FOXK2: variants seen among roughly 807,000 people sequenced by gnomAD.
FOXK2 encodes forkhead box protein K2.
A neutral mutation model predicts 53.3 loss-of-function variants in FOXK2; 24 were observed. The observed-to-expected ratio is 0.45, with a 90% confidence interval of 0.33 to 0.63. FOXK2 has a LOEUF of 0.63. Ranked by LOEUF, FOXK2 falls within the 30% of genes least tolerant of loss-of-function variation. The probability of loss-of-function intolerance (pLI) is 0.03; values close to 1 mark genes in which losing one functional copy is unlikely to be tolerated. For missense variants in FOXK2, 952 were observed against 910.5 expected (o/e 1.05, Z -0.59); for synonymous variants, 505 against 407.1 (o/e 1.24, Z -2.89).
At chr17:82,571,686 A>G (rs1418742356) in intron 3 of FOXK2, 38 bp from the exon 4 acceptor site, 1 of 1,460,856 alleles carries the variant, frequency 6.8e-7, no homozygotes, top group Non-Finnish European at 9.1e-7. Flanking sequence ...AAATATGGTA[A>G]CTTCAATATT....
At chr17:82,567,758 G>A (rs1469291857) in intron 2 of FOXK2, among the ~76,000 whole-genome samples, 2 of 151,822 alleles carry the variant, frequency 1.3e-5, no homozygotes, top group Admixed American at 6.6e-5. Flanking sequence ...TTCCTCACTG[G>A]TGAAATGAGT....
In FOXK2 at chr17:82,601,959, G is replaced by C. The variant is rs542500646; in HGVS notation, c.*460G>C. ...TTCTTTACAAAATAATGGGGTCTTG[G>C]GCATTTCACATCACTCCATTTCTAC... On this transcript the variant is annotated 3_prime_UTR_variant, in exon 9 of 9. Coordinates refer to ENST00000335255, the MANE Select transcript of FOXK2 (RefSeq NM_004514.4). 1 of 155,906 alleles carries C rather than the reference G, an allele frequency of 6.4e-6. No homozygotes were observed. Among genetic ancestry groups the C allele is most frequent in the South Asian group, 2.0e-4 (1 of 5,002 alleles). 9.7% of individuals were successfully genotyped at this position (155,906 alleles called of 1,614,324 possible). A position where few individuals can be genotyped will look rare whatever the true frequency, so the allele number is the denominator to read the frequency against.
In FOXK2 at chr17:82,541,902, A is replaced by T. The variant is rs1268559795; in HGVS notation, c.420-21452A>T. ...AATTAAATTTTTTTTTTTTTTTGAGATGGAGTCTCATTCGGTTTCCCAGGC... is the reference window on the plus strand; with the variant it reads ...AATTAAATTTTTTTTTTTTTTTGAGTTGGAGTCTCATTCGGTTTCCCAGGC... On this transcript the variant is annotated intron_variant, in intron 1 of 8. Coordinates refer to ENST00000335255, the MANE Select transcript of FOXK2 (RefSeq NM_004514.4). 6.1e-5 allele frequency among the ~76,000 whole-genome samples: 9 copies of T among 146,824 alleles called. No individual in the cohort carries two copies. The Admixed American group carries it at 6.1e-4, about 10-fold the overall frequency.
intron 1 of FOXK2, among the ~76,000 whole-genome samples, chr17:82,561,169 A>G (rs1356154655): frequency 6.6e-6 from 1 of 152,204 alleles, no homozygotes; most frequent in African/African-American, 2.4e-5. Flanking sequence ...TTTGAAGGCC[A>G]GAGCTGATGG....
chr17:82,595,777 C>T, intron 8 of FOXK2: 5 of 1,289,618 alleles, frequency 3.9e-6, no homozygotes, highest in Non-Finnish European at 5.1e-6. Context: ...CACTCCTCTC[C>T]CCAGGGCCCC....
chr17:82,587,951 A>G (rs528865612), intron 8 of FOXK2, among the ~76,000 whole-genome samples: 1 of 152,136 alleles, frequency 6.6e-6, no homozygotes, highest in Non-Finnish European at 1.5e-5. Flanking sequence ...CAAGCAGGCA[A>G]ATCCGAAGCT....
At chr17:82,570,177 G>A (rs753155813) in intron 3 of FOXK2, among the ~76,000 whole-genome samples, 6 of 151,084 alleles carry the variant, frequency 4.0e-5, no homozygotes, top group Admixed American at 2.0e-4. Context: ...AGCCGAAATC[G>A]CGCCACTGCA....
At chr17:82,543,624 C>G (rs181355563) in intron 1 of FOXK2, among the ~76,000 whole-genome samples, 23 of 151,864 alleles carry the variant, frequency 1.5e-4, no homozygotes, top group Non-Finnish European at 2.5e-4. Flanking sequence ...AGGGAAGAGT[C>G]TTTCTTTTAT....
At chr17:82,565,489 G>C (rs1369411413) in intron 2 of FOXK2, among the ~76,000 whole-genome samples, 1 of 152,092 alleles carries the variant, frequency 6.6e-6, no homozygotes, top group Non-Finnish European at 1.5e-5. Context: ...AAAAGACCCA[G>C]TTCAAAAACG....
chr17:82,564,359 G>T (rs544157578), intron 2 of FOXK2, among the ~76,000 whole-genome samples: 1 of 152,006 alleles, frequency 6.6e-6, no homozygotes, highest in Admixed American at 6.6e-5. Flanking sequence ...TTACAGGCGT[G>T]AGCTACCACA....
chr17:82,584,549 C>CTTTTTTTTTTT (rs34083156), intron 6 of FOXK2, among the ~76,000 whole-genome samples: 3 of 89,860 alleles, frequency 3.3e-5, no homozygotes, highest in African/African-American at 1.2e-4. Flanking sequence ...AAAACATGTC[C>CTTTTTTTTTTT]TTTTTTTTTT....
intron 1 of FOXK2, among the ~76,000 whole-genome samples, chr17:82,538,570 C>G (rs2044543451): frequency 6.6e-6 from 1 of 152,180 alleles, no homozygotes; most frequent in Non-Finnish European, 1.5e-5. Context: ...AGAAGAATGC[C>G]CTTGTCCTCT....
chr17:82,586,624 A>C (rs2045174065), intron 7 of FOXK2, among the ~76,000 whole-genome samples: 1 of 152,028 alleles, frequency 6.6e-6, no homozygotes, highest in African/African-American at 2.4e-5. Flanking sequence ...ATCCTTGGCC[A>C]GGTACAGTGG....
chr17:82,582,854 A>G lies in FOXK2; in HGVS notation c.1023A>G (p.Lys341=), dbSNP rs767278673. Residue 341 remains lysine, a synonymous_variant, in exon 5 of 9, where the codon AAA becomes AAG. Transcript: ENST00000335255. ...FWRIDPASES[K]LIEQAFRKRR... ...GGATAGACCCAGCCTCTGAAAGCAA[A>G]TTAATAGAACAGGCTTTTAGGAAAC... 6.8e-6 allele frequency: 11 copies of G among 1,613,596 alleles called. No homozygotes were observed. The highest frequency in any genetic ancestry group is 1.1e-5 in the South Asian group (1 of 90,990).
Position 82,568,871 on chromosome 17 carries a change from C to T in FOXK2, c.762+670C>T, listed in dbSNP as rs140731943. Among the ~76,000 whole-genome samples, 571 of 152,144 alleles carry T rather than the reference C, an allele frequency of 3.8e-3. 4 individuals are homozygous for T. The highest frequency in any genetic ancestry group is 0.023 in the South Asian group (109 of 4,806). The stretch of plus-strand genomic sequence containing the variant: ...CCAAAAAAAAATACAAAAAGCCAGG[C>T]GTGGTGGCACGCAGCTGTAATCTCA... On this transcript the variant is annotated intron_variant, in intron 3 of 8. Coordinates refer to ENST00000335255, the MANE Select transcript of FOXK2 (RefSeq NM_004514.4).
intron 6 of FOXK2, among the ~76,000 whole-genome samples, 156 bp from the exon 7 acceptor site, chr17:82,585,748 C>T (rs1301557877): frequency 6.6e-6 from 1 of 152,194 alleles, no homozygotes; most frequent in Non-Finnish European, 1.5e-5. Flanking sequence ...CTACACCTCC[C>T]TCATTATTAG....
At chr17:82,586,224 AGGGGAGACCACAGGGAGG>A in intron 7 of FOXK2, 24 bp downstream of exon 7, 2 of 1,263,256 alleles carry the variant, frequency 1.6e-6, no homozygotes. Flanking sequence ...AAAGGAGGAG[AGGGGAGACCACAGGGAGG>A]TGAAAGGTGG....
chr17:82,584,549 CTTTTTTTTTT>C (rs34083156), intron 6 of FOXK2, among the ~76,000 whole-genome samples: 35 of 89,862 alleles, frequency 3.9e-4, no homozygotes, highest in East Asian at 1.1e-3. Context: ...AAAACATGTC[CTTTTTTTTTT>C]TTTTTTTTTT....
chr17:82,567,968 T>C (rs1222475064), intron 2 of FOXK2, 86 bp from the exon 3 acceptor site: 3 of 837,464 alleles, frequency 3.6e-6, no homozygotes, highest in Non-Finnish European at 5.2e-6. Flanking sequence ...GTATTTGTTA[T>C]CCCTGTAATT....
Sources: allele counts gnomAD v4.1 joint callset (sites outside exome capture counted in the v4.1 genomes callset), GRCh38; gene constraint gnomAD v4.1.1; transcripts MANE v1.5; gene names NCBI Gene and HGNC (gene_info 2026-07-23, HGNC 2026-07-21).